The following GSE1 variants were observed in gnomAD, a reference collection of about 807,000 sequenced individuals.
The protein encoded by GSE1 is Gse1 coiled-coil protein, also known as genetic suppressor element 1.
A neutral mutation model predicts 112.6 loss-of-function variants in GSE1; 32 were observed. The observed-to-expected ratio is 0.28, with a 90% CI of 0.21 to 0.38. The LOEUF is 0.38. GSE1 is among the 10% of genes least tolerant of loss of function. The pLI is 1.00. For missense variants in GSE1, 2,348 were observed against 1,699.2 expected, an observed-to-expected ratio of 1.38 and a Z score of -6.71; for synonymous variants, 1,115 against 735.6, an observed-to-expected ratio of 1.52 and a Z score of -8.35.
intron 1 of GSE1, among the ~76,000 whole-genome samples, chr16:85,350,471 G>A (rs1307355863): frequency 6.6e-6 from 1 of 152,166 alleles, no homozygotes; most frequent in Non-Finnish European, 1.5e-5. Flanking sequence ...CTCCAGGCCA[G>A]CAGCTAGGAG....
chr16:85,498,007 C>T (rs1300933179), intron 2 of GSE1, among the ~76,000 whole-genome samples: 3 of 152,074 alleles, frequency 2.0e-5, no homozygotes. Flanking sequence ...GCCCTGACCA[C>T]CGTGCCTGTG....
At chr16:85,312,056 C>T (rs946510852) in intron 1 of GSE1, among the ~76,000 whole-genome samples, 1 of 152,198 alleles carries the variant, frequency 6.6e-6, no homozygotes, top group Admixed American at 6.5e-5. Context: ...GCTGGCTTGG[C>T]CTCTCTGCCT....
chr16:85,569,318 T>A (rs1188922532), intron 1 of GSE1, among the ~76,000 whole-genome samples: 1 of 152,210 alleles, frequency 6.6e-6, no homozygotes, highest in African/African-American at 2.4e-5. Flanking sequence ...TAAGCAACCG[T>A]GACCTACCAC....
rs147786997 is a variant in GSE1 at position 85,649,482 on chromosome 16, C to T, written c.426+731C>T. On this transcript the variant is annotated intron_variant, in intron 3 of 15. Transcript: ENST00000253458. ...ACTTTTGGGGCTCCCAGCGGAGGCC[C>T]CTCCCCAAGTTTTCGGGGCTCCTTA... Among the ~76,000 whole-genome samples the T allele has an allele frequency of 1.6e-3, 240 of 152,340 alleles. 3 individuals carry two copies. In the East Asian group the frequency reaches 0.042, roughly 27 times the overall value.
chr16:85,213,130 G>T lies in GSE1; in HGVS notation c.2283+41323G>T, dbSNP rs574331676. ...CTAAAATACAAAAAATTAGCCAGCC[G>T]TGGTGGCGCATGCCTGTAGTCCCAG... On this transcript the variant is annotated intron_variant, in intron 1 of 2. Transcript: ENST00000637419. 1.1e-3 allele frequency among the ~76,000 whole-genome samples: 171 copies of T among 152,158 alleles called. 1 individual carries two copies. The highest frequency in any genetic ancestry group is 1.8e-3 in the Non-Finnish European group (125 of 67,990).
At chr16:85,532,676 G>A (rs903034388) in intron 2 of GSE1, among the ~76,000 whole-genome samples, 1 of 152,212 alleles carries the variant, frequency 6.6e-6, no homozygotes, top group African/African-American at 2.4e-5. Flanking sequence ...TCTGAGCAGA[G>A]CCCCCAGGCT....
chr16:85,501,453 T>G (rs1433451389), intron 2 of GSE1, among the ~76,000 whole-genome samples: 2 of 149,830 alleles, frequency 1.3e-5, no homozygotes, highest in Non-Finnish European at 3.0e-5. Context: ...AGTGTAGTGA[T>G]GCAAATCATA....
At chr16:85,178,602 A>G (rs79193585) in intron 1 of GSE1, among the ~76,000 whole-genome samples, 2,730 of 152,148 alleles carry the variant, frequency 0.018, 85 homozygotes, top group African/African-American at 0.063. Context: ...TCGTGGGCAC[A>G]GCTGAGGAGT....
intron 2 of GSE1, among the ~76,000 whole-genome samples, chr16:85,376,340 A>C (rs962477444): frequency 2.6e-4 from 39 of 152,336 alleles, no homozygotes; most frequent in African/African-American, 9.4e-4. Flanking sequence ...GGTGCCTGGC[A>C]CAGTGCCCCT....
At chr16:85,260,384 T>C (rs1484557126) in intron 1 of GSE1, among the ~76,000 whole-genome samples, 1 of 143,878 alleles carries the variant, frequency 7.0e-6, no homozygotes, top group East Asian at 2.1e-4. Context: ...AGTGCTGTGG[T>C]GCTATCTTGG....
chr16:85,625,366 T>C (rs149858587), intron 1 of GSE1, among the ~76,000 whole-genome samples: 270 of 152,296 alleles, frequency 1.8e-3, no homozygotes, highest in African/African-American at 6.3e-3. Flanking sequence ...CGCAGGACCG[T>C]CGGCTCCTAG....
Position 85,349,044 on chromosome 16 carries a change from C to G in GSE1, c.2284-8419C>G, listed in dbSNP as rs375354040. Among the ~76,000 whole-genome samples, 4 of 152,302 alleles carry G rather than the reference C, an allele frequency of 2.6e-5. No individual in the cohort carries two copies. In the East Asian group the frequency reaches 5.8e-4, roughly 22 times the overall value. ...AGATGTGGCAGCCACCAGCCTCTCCCGCGCGATCTGCCGTGTGGCGTGTGC... is the reference window on the plus strand; with the variant it reads ...AGATGTGGCAGCCACCAGCCTCTCCGGCGCGATCTGCCGTGTGGCGTGTGC... On this transcript the variant is annotated intron_variant, in intron 1 of 2. Transcript: ENST00000637419.
intron 1 of GSE1, among the ~76,000 whole-genome samples, chr16:85,577,094 C>G (rs998349407): frequency 3.1e-4 from 47 of 151,234 alleles, no homozygotes; most frequent in African/African-American, 1.1e-3. Flanking sequence ...GTGAGCTGAC[C>G]TTCCCCGGGC....
intron 1 of GSE1, among the ~76,000 whole-genome samples, chr16:85,256,482 A>G (rs1907091145): frequency 6.6e-6 from 1 of 152,168 alleles, no homozygotes. Context: ...GGGGTAGCTG[A>G]GGTGTGATGT....
rs376488444 is a variant in GSE1, at chr16:85,565,262, C to G, written c.37+8899C>G. 4.6e-5 allele frequency among the ~76,000 whole-genome samples: 7 copies of G among 152,030 alleles called. No individual in the cohort carries two copies. In the East Asian group the frequency reaches 1.2e-3, roughly 25 times the overall value. ...AAAAAATTAGCCGGGCATGGTGGTGCGTGCCTGTAATCCCAGCTACTCAGG... is the reference window on the plus strand; with the variant it reads ...AAAAAATTAGCCGGGCATGGTGGTGGGTGCCTGTAATCCCAGCTACTCAGG... On this transcript the variant is annotated intron_variant, in intron 1 of 2. Transcript: ENST00000635906.
intron 1 of GSE1, among the ~76,000 whole-genome samples, chr16:85,629,027 C>G (rs185721385): frequency 6.6e-6 from 1 of 152,170 alleles, no homozygotes; most frequent in South Asian, 2.1e-4. Context: ...AGCACGCTCT[C>G]GCAAGATCTG....
At chr16:85,613,759 G>A (rs2048163960) in intron 1 of GSE1, among the ~76,000 whole-genome samples, 2 of 150,730 alleles carry the variant, frequency 1.3e-5, no homozygotes, top group South Asian at 2.1e-4. Flanking sequence ...GGGCGCTGGA[G>A]AGCTGGAATG....
chr16:85,368,531 C>T (rs1361320230), intron 2 of GSE1, among the ~76,000 whole-genome samples: 1 of 151,948 alleles, frequency 6.6e-6, no homozygotes, highest in African/African-American at 2.4e-5. Flanking sequence ...ATAATGAGAC[C>T]ACATCTCTAC....
rs55755242 is a variant in GSE1, at chr16:85,224,301, C to CAAAAAAAAAA, written c.2283+52515_2283+52524dup. Among the ~76,000 whole-genome samples the CAAAAAAAAAA allele has an allele frequency of 2.1e-3, 81 of 38,804 alleles. 5 individuals carry two copies. Among genetic ancestry groups the CAAAAAAAAAA allele is most frequent in the African/African-American group, 2.3e-3 (21 of 9,216 alleles). 25.5% of individuals were successfully genotyped at this position (38,804 alleles called of 152,430 possible). A position where few individuals can be genotyped will look rare whatever the true frequency, so the allele number is the denominator to read the frequency against. ...TGAAACCCTATCTCTACTAAAAATA[C>CAAAAAAAAAA]AAAAAAAAAAAAAAAAAAAAAAAAA... is the stretch of plus-strand genomic sequence containing the variant. On this transcript the variant is annotated intron_variant, in intron 1 of 2. Coordinates refer to the GSE1 transcript ENST00000637419.
Sources: gnomAD v4.1 joint callset for allele counts (sites outside exome capture counted in the v4.1 genomes callset) on GRCh38, gnomAD v4.1.1 for gene constraint, MANE v1.5 for transcripts, NCBI Gene and HGNC (gene_info 2026-07-23, HGNC 2026-07-21) for gene names.